Variants in TENM4 observed in about 807,000 individuals in gnomAD.
The protein encoded by TENM4 is teneurin-4.
TENM4 carries 82 observed loss-of-function variants against 243.3 expected under a neutral mutation model. The observed-to-expected ratio is 0.34, with a 90% CI of 0.28 to 0.40. The LOEUF is 0.40. Ranked by LOEUF, TENM4 falls within the 10% of genes least tolerant of loss-of-function variation. The pLI is 1.00. For synonymous variants in TENM4, 1,412 were observed against 1,456.3 expected (o/e 0.97, Z 0.69); for missense variants, 3,138 against 3,673.3 (o/e 0.85, Z 3.77).
At chr11:78,786,782 G>A in intron 16 of TENM4, 116 bp downstream of exon 16, 1 of 1,405,156 alleles carries the variant, frequency 7.1e-7, no homozygotes, top group Admixed American at 2.1e-5. Context: ...CAGATGAAAG[G>A]ACTTTCTTCC....
chr11:79,318,163 A>G (rs1856832220), intron 1 of TENM4, among the ~76,000 whole-genome samples: 1 of 152,178 alleles, frequency 6.6e-6, no homozygotes. Flanking sequence ...ATCTGAATAC[A>G]AAGACAGTCA....
intron 1 of TENM4, among the ~76,000 whole-genome samples, chr11:79,340,954 C>T (rs1857231816): frequency 1.3e-5 from 2 of 152,088 alleles, no homozygotes; most frequent in Admixed American, 1.3e-4. Flanking sequence ...GGAGGTTATC[C>T]AGGTGGGCCC....
intron 10 of TENM4, 48 bp from the exon 11 acceptor site, chr11:78,856,226 A>G (rs1262049450): frequency 4.6e-6 from 7 of 1,508,874 alleles, no homozygotes; most frequent in African/African-American, 1.4e-5. Context: ...GGTTAGCCAC[A>G]TGGGAAACGA....
intron 6 of TENM4, among the ~76,000 whole-genome samples, chr11:78,918,565 C>A (rs757293577): frequency 1.3e-5 from 2 of 152,110 alleles, no homozygotes; most frequent in East Asian, 1.9e-4. Flanking sequence ...ATAACCACAG[C>A]GGTCACTGTT....
intron 6 of TENM4, among the ~76,000 whole-genome samples, chr11:79,030,003 AG>A (rs1859185384): frequency 6.6e-6 from 1 of 152,154 alleles, no homozygotes; most frequent in Non-Finnish European, 1.5e-5. Flanking sequence ...GAAAGGATCT[AG>A]GGAAAGGTAA....
At position 78,920,781 on chromosome 11, in the gene TENM4, A is replaced by T. The variant is rs546978656; in HGVS notation, c.494-17258T>A. Among the ~76,000 whole-genome samples, 10 of 152,366 alleles carry T rather than the reference A, an allele frequency of 6.6e-5. No individual in the cohort carries two copies. In the East Asian group the frequency reaches 1.9e-3, roughly 29 times the overall value. The stretch of plus-strand genomic sequence containing the variant: ...TGTCCATTCTCTTAACTGCCCATGC[A>T]AATCAGGCAGAATAATTCCAAATGG... On this transcript the variant is annotated intron_variant, in intron 6 of 33. Transcript: ENST00000278550.
intron 1 of TENM4, among the ~76,000 whole-genome samples, chr11:79,394,138 G>C (rs1858293026): frequency 6.6e-6 from 1 of 152,188 alleles, no homozygotes; most frequent in African/African-American, 2.4e-5. Context: ...TCAAAATTTG[G>C]CTTACACTCT....
At chr11:79,372,405 C>T (rs968669682) in intron 1 of TENM4, among the ~76,000 whole-genome samples, 4 of 152,210 alleles carry the variant, frequency 2.6e-5, no homozygotes, top group Non-Finnish European at 5.9e-5. Context: ...ACCACACAAG[C>T]CCCTGTTCCT....
At chr11:78,780,688 G>A (rs1856823078) in intron 16 of TENM4, among the ~76,000 whole-genome samples, 1 of 152,188 alleles carries the variant, frequency 6.6e-6, no homozygotes, top group African/African-American at 2.4e-5. Flanking sequence ...AGGGCCAGGG[G>A]CTGACTTAAG....
chr11:78,929,083 C>T (rs1432200120), intron 6 of TENM4, among the ~76,000 whole-genome samples: 1 of 152,186 alleles, frequency 6.6e-6, no homozygotes, highest in East Asian at 1.9e-4. Flanking sequence ...GGCAGCTCAC[C>T]ATGCAGAGAA....
chr11:79,164,065 GTGTATATATACACTATATATACTATGTA>G (rs1862833558), intron 3 of TENM4, among the ~76,000 whole-genome samples: 1 of 14,914 alleles, frequency 6.7e-5, no homozygotes, highest in South Asian at 1.8e-3. Flanking sequence ...TGTATATATA[GTGTATATATACACTATATATACTATGTA>G]TATATAGTAT....
chr11:78,743,203 CA>C (rs1855971948), intron 19 of TENM4, among the ~76,000 whole-genome samples: 1 of 152,236 alleles, frequency 6.6e-6, no homozygotes, highest in Admixed American at 6.5e-5. Context: ...GGGCATTCAC[CA>C]AGCAGTATAC....
chr11:78,760,317 G>T (rs1591001421), intron 18 of TENM4, among the ~76,000 whole-genome samples: 2 of 152,234 alleles, frequency 1.3e-5, no homozygotes, highest in Non-Finnish European at 2.9e-5. Flanking sequence ...GCTTAAGAGA[G>T]CCCTCTCTCC....
intron 15 of TENM4, among the ~76,000 whole-genome samples, chr11:78,804,918 T>C (rs1456872381): frequency 1.3e-5 from 2 of 152,148 alleles, no homozygotes; most frequent in East Asian, 3.9e-4. Flanking sequence ...GGCTGGGACA[T>C]TTATCCTATA....
chr11:79,321,459 T>G (rs1856887455), intron 1 of TENM4, among the ~76,000 whole-genome samples: 1 of 152,066 alleles, frequency 6.6e-6, no homozygotes, highest in South Asian at 2.1e-4. Context: ...TCCCAAATGA[T>G]TCATCTGAAA....
At chr11:79,268,428 C>G (rs1316835371) in intron 2 of TENM4, among the ~76,000 whole-genome samples, 1 of 152,182 alleles carries the variant, frequency 6.6e-6, no homozygotes, top group Non-Finnish European at 1.5e-5. Flanking sequence ...CTGGACAAGT[C>G]ACTTCTTCTC....
At chr11:79,120,832 A>G (rs570764053) in intron 4 of TENM4, among the ~76,000 whole-genome samples, 12 of 152,320 alleles carry the variant, frequency 7.9e-5, no homozygotes, top group Middle Eastern at 3.4e-3. Context: ...ACAACAAATA[A>G]ATAACTTACT....
chr11:78,899,273 G>A lies in TENM4; in HGVS notation c.749+3995C>T, dbSNP rs566262484. Among the ~76,000 whole-genome samples the A allele has an allele frequency of 1.6e-4, 24 of 152,196 alleles. No individual in the cohort carries two copies. In the South Asian group the frequency reaches 5.0e-3, roughly 32 times the overall value. ...AGGGAGAGGATGCTATAGTTTGGAT[G>A]TTTGTCCCCCCAAAGCTCATGTTAA... On this transcript the variant is annotated intron_variant, in intron 7 of 33. Coordinates refer to ENST00000278550, the MANE Select transcript of TENM4 (RefSeq NM_001098816.3).
intron 12 of TENM4, among the ~76,000 whole-genome samples, chr11:78,821,501 G>C (rs906594751): frequency 5.3e-5 from 8 of 152,130 alleles, no homozygotes; most frequent in African/African-American, 1.9e-4. Context: ...TTATTACAAT[G>C]CCTAGAATAA....
Sources: gnomAD v4.1 joint callset for allele counts (sites outside exome capture counted in the v4.1 genomes callset) on GRCh38, gnomAD v4.1.1 for gene constraint, MANE v1.5 for transcripts, NCBI Gene and HGNC (gene_info 2026-07-23, HGNC 2026-07-21) for gene names.